The following PKNOX2 variants were observed in gnomAD, a reference collection of about 807,000 sequenced individuals.
The protein encoded by PKNOX2 is PBX/knotted 1 homeobox 2, also known as homeobox protein PKNOX2.
In PKNOX2, 14 loss-of-function variants were observed where a neutral mutation model predicts 53.1. The observed-to-expected ratio is 0.26, with a 90% CI of 0.17 to 0.41. The LOEUF (loss-of-function observed/expected upper bound fraction) is 0.41. Among genes scored for constraint, PKNOX2 ranks in the 10% least tolerant of loss-of-function variants. The pLI is 1.00. For synonymous variants in PKNOX2, 257 were observed against 242.8 expected (o/e 1.06, Z -0.54); for missense variants, 496 against 602.8 (o/e 0.82, Z 1.85).
At chr11:125,294,863 G>A (rs940392397) in intron 2 of PKNOX2, among the ~76,000 whole-genome samples, 9 of 152,178 alleles carry the variant, frequency 5.9e-5, no homozygotes, top group African/African-American at 1.4e-4. Context: ...CACCTGCCTC[G>A]CATGGAGTAT....
intron 7 of PKNOX2, among the ~76,000 whole-genome samples, chr11:125,401,019 A>G (rs1954713857): frequency 6.6e-6 from 1 of 152,046 alleles, no homozygotes; most frequent in Non-Finnish European, 1.5e-5. Flanking sequence ...GGTCTTGTGC[A>G]AGAAAGATGG....
chr11:125,231,434 A>G (rs1942199952), intron 1 of PKNOX2, among the ~76,000 whole-genome samples: 1 of 152,232 alleles, frequency 6.6e-6, no homozygotes, highest in Admixed American at 6.5e-5. Context: ...CGCCAATCTC[A>G]TTTATGATTC....
chr11:125,209,838 A>T (rs1007613642), intron 1 of PKNOX2, among the ~76,000 whole-genome samples: 1 of 151,892 alleles, frequency 6.6e-6, no homozygotes, highest in Non-Finnish European at 1.5e-5. Flanking sequence ...CCACCCTTAT[A>T]CCCACCCTGG....
chr11:125,316,142 G>T (rs553726380), intron 2 of PKNOX2, among the ~76,000 whole-genome samples: 5 of 152,146 alleles, frequency 3.3e-5, no homozygotes, highest in Admixed American at 6.5e-5. Context: ...ACGCATGGAG[G>T]GAATGAGACC....
chr11:125,364,914 C>T (rs1952108436), intron 4 of PKNOX2, among the ~76,000 whole-genome samples: 1 of 151,976 alleles, frequency 6.6e-6, no homozygotes, highest in African/African-American at 2.4e-5. Context: ...CCACGGTGGC[C>T]CAGCTGGTCA....
chr11:125,200,904 C>T (rs532848067), intron 1 of PKNOX2, among the ~76,000 whole-genome samples: 2 of 152,318 alleles, frequency 1.3e-5, no homozygotes, highest in South Asian at 2.1e-4. Flanking sequence ...CCCTCTAGAC[C>T]GTGTGATCCT....
chr11:125,255,736 C>A (rs538299284), intron 2 of PKNOX2, among the ~76,000 whole-genome samples: 3 of 151,768 alleles, frequency 2.0e-5, no homozygotes, highest in Non-Finnish European at 4.4e-5. Context: ...AGGTGGGGGA[C>A]GGGCTTTGTT....
At chr11:125,350,771 G>T (rs1005916685) in intron 3 of PKNOX2, among the ~76,000 whole-genome samples, 93 of 152,302 alleles carry the variant, frequency 6.1e-4, no homozygotes, top group African/African-American at 2.0e-3. Flanking sequence ...CTGGGGAGGG[G>T]CGAGCTTGGT....
chr11:125,241,262 C>T (rs1162307961), intron 2 of PKNOX2, among the ~76,000 whole-genome samples: 2 of 152,214 alleles, frequency 1.3e-5, no homozygotes, highest in Non-Finnish European at 2.9e-5. Context: ...ATTGCTCAAT[C>T]TCCCCCAACA....
chr11:125,429,103 C>A lies in PKNOX2; in HGVS notation c.1013+15C>A. The A allele has an allele frequency of 1.2e-6, 2 of 1,600,324 alleles. No individual in the cohort carries two copies. Among genetic ancestry groups the A allele is most frequent in the Non-Finnish European group, 1.7e-6 (2 of 1,167,446 alleles). On this transcript the variant is annotated intron_variant, in intron 11 of 12. Coordinates refer to ENST00000298282, the MANE Select transcript of PKNOX2 (RefSeq NM_001382323.2). ...GTAAACAACTGGTGAGTTTGCATCA[C>A]CTGCATGCAGGCTCCCAGATCCAGG...
chr11:125,217,151 C>A (rs1940625549), intron 1 of PKNOX2, among the ~76,000 whole-genome samples: 1 of 152,140 alleles, frequency 6.6e-6, no homozygotes, highest in African/African-American at 2.4e-5. Context: ...GCACACACGA[C>A]CCTCCAGACA....
rs141071541 is a variant in PKNOX2, at chr11:125,418,718, T to C, written c.936+6853T>C. ...CTTGAAGGGATGACAGTCAGCCCTC[T>C]GTGTCTATGGGTTCTGAATCCCTGG... On this transcript the variant is annotated intron_variant, in intron 10 of 12. Coordinates refer to ENST00000298282, the MANE Select transcript of PKNOX2 (RefSeq NM_001382323.2). Among the ~76,000 whole-genome samples, 751 of 152,172 alleles carry C rather than the reference T, an allele frequency of 4.9e-3. 23 individuals carry two copies. The highest frequency in any genetic ancestry group is 0.015 in the African/African-American group (637 of 41,398).
Position 125,240,785 on chromosome 11 carries a change from G to C in PKNOX2, c.-130+5670G>C, listed in dbSNP as rs1357968931. Among the ~76,000 whole-genome samples the C allele has an allele frequency of 6.6e-6, 1 of 152,128 alleles. No individual in the cohort carries two copies. The highest frequency in any genetic ancestry group is 1.5e-5 in the Non-Finnish European group (1 of 68,012). ...CTGCTCCCAGTATCCTTGGCTGTGG[G>C]GGGACTAGTGATGGTGTAGGGTCCC... On this transcript the variant is annotated intron_variant, in intron 2 of 12. Coordinates refer to ENST00000298282, the MANE Select transcript of PKNOX2 (RefSeq NM_001382323.2). The surrounding 1 kb of genome is among the most constrained non-coding windows in gnomAD (Gnocchi z 4.3).
At chr11:125,312,119 C>A (rs76164036) in intron 2 of PKNOX2, among the ~76,000 whole-genome samples, 1 of 152,216 alleles carries the variant, frequency 6.6e-6, no homozygotes, top group East Asian at 1.9e-4. Context: ...AAAAACAGTG[C>A]GTAACTTTCC....
chr11:125,224,451 TG>T (rs1941505369), intron 1 of PKNOX2, among the ~76,000 whole-genome samples: 1 of 152,328 alleles, frequency 6.6e-6, no homozygotes, highest in East Asian at 1.9e-4. Flanking sequence ...CAGGGTGACT[TG>T]GGTTGGAGAT....
Position 125,182,950 on chromosome 11 carries a change from G to T in PKNOX2, c.-201+18174G>T, listed in dbSNP as rs145682062. Among the ~76,000 whole-genome samples the T allele has an allele frequency of 8.2e-3, 1,244 of 152,272 alleles. 15 individuals are homozygous for T. The highest frequency in any genetic ancestry group is 0.013 in the Non-Finnish European group (913 of 68,028). ...ATTTGACTTTCTGGAAAATAGGAAG[G>T]CTCATTACTGTTTGGAATCAATGAA... On this transcript the variant is annotated intron_variant, in intron 1 of 12. Transcript: ENST00000298282.
At chr11:125,341,300 A>G (rs1950672917) in intron 3 of PKNOX2, among the ~76,000 whole-genome samples, 4 of 151,644 alleles carry the variant, frequency 2.6e-5, no homozygotes, top group Admixed American at 6.6e-5. Flanking sequence ...AGGTTGCAGT[A>G]AGCCGAGATC....
chr11:125,175,398 G>A (rs866858187), intron 1 of PKNOX2, among the ~76,000 whole-genome samples: 11 of 152,192 alleles, frequency 7.2e-5, no homozygotes, highest in Middle Eastern at 3.2e-3. Context: ...GGTGGAACTG[G>A]GCTCTGGGGA....
At chr11:125,233,126 T>G (rs992493076) in intron 1 of PKNOX2, among the ~76,000 whole-genome samples, 2 of 152,164 alleles carry the variant, frequency 1.3e-5, no homozygotes, top group Non-Finnish European at 2.9e-5. Flanking sequence ...AAAGGAAAAG[T>G]GAACTTTTAA....
Sources: gnomAD v4.1 joint callset for allele counts (sites outside exome capture counted in the v4.1 genomes callset) on GRCh38, gnomAD v4.1.1 for gene constraint, Gnocchi (gnomAD v3.1) non-coding constraint, MANE v1.5 for transcripts, NCBI Gene and HGNC (gene_info 2026-07-23, HGNC 2026-07-21) for gene names.